SPIN1: variants seen among roughly 807,000 people sequenced by gnomAD.
The protein encoded by SPIN1 is spindlin-1.
SPIN1 carries 3 observed loss-of-function variants against 26.0 expected under a neutral mutation model. That is an observed-to-expected ratio of 0.12 (90% CI 0.05 to 0.30). SPIN1 has a LOEUF of 0.30. Ranked by LOEUF, SPIN1 falls within the 10% of genes least tolerant of loss-of-function variation. The probability of loss-of-function intolerance (pLI) is 1.00; values close to 1 mark genes in which losing one functional copy is unlikely to be tolerated. For missense variants in SPIN1, 126 were observed against 333.4 expected (o/e 0.38, Z 4.84); for synonymous variants, 101 against 116.5 (o/e 0.87, Z 0.86).
intron 1 of SPIN1, among the ~76,000 whole-genome samples, chr9:88,413,389 GT>G (rs151070215): frequency 6.7e-6 from 1 of 149,438 alleles, no homozygotes; most frequent in Non-Finnish European, 1.5e-5. Flanking sequence ...TTTTTGTTCT[GT>G]TTTTTTTATT....
intron 1 of SPIN1, among the ~76,000 whole-genome samples, chr9:88,388,802 C>T (rs1438275732): frequency 6.6e-6 from 1 of 150,502 alleles, no homozygotes; most frequent in African/African-American, 2.4e-5. Context: ...TCCCCGCCGC[C>T]CCCCGCCAAC....
intron 5 of SPIN1, 84 bp from the exon 6 acceptor site, chr9:88,474,994 A>G (rs2118243837): frequency 7.7e-7 from 1 of 1,300,078 alleles, no homozygotes; most frequent in African/African-American, 1.5e-5. Context: ...ATGAAAATAA[A>G]TATGTGAGTT....
intron 2 of SPIN1, among the ~76,000 whole-genome samples, chr9:88,436,631 A>G (rs904906699): frequency 2.0e-5 from 3 of 151,084 alleles, no homozygotes; most frequent in Middle Eastern, 3.2e-3. Context: ...CTGATTTTTT[A>G]TTGTCTCCCT....
intron 5 of SPIN1, among the ~76,000 whole-genome samples, chr9:88,473,518 AT>A (rs1828830999): frequency 6.6e-6 from 1 of 152,284 alleles, no homozygotes; most frequent in East Asian, 1.9e-4. Flanking sequence ...TGACTTGAAC[AT>A]TTTTTTATAG....
chr9:88,438,699 A>G (rs1828057346), intron 2 of SPIN1, among the ~76,000 whole-genome samples: 1 of 152,230 alleles, frequency 6.6e-6, no homozygotes. Flanking sequence ...TAACCATAAT[A>G]TAGGTTGAGC....
rs568433789 is a variant in SPIN1, at chr9:88,426,448, G to C, written c.-92G>C. The C allele has an allele frequency of 2.1e-5, 22 of 1,029,932 alleles. No homozygotes were observed. The highest frequency in any genetic ancestry group is 3.2e-5 in the African/African-American group (2 of 62,438). The allele number at this position is 1,029,932 out of a possible 1,614,324, so 63.8% of individuals were successfully genotyped here. On this transcript the variant is annotated 5_prime_UTR_variant, in exon 2 of 6. Coordinates refer to ENST00000375859, the MANE Select transcript of SPIN1 (RefSeq NM_006717.3). ...AGACACTTGGATGGTGGATTAACCA[G>C]AACACTAACATTCTGTGAAAAGTTT...
intron 1 of SPIN1, among the ~76,000 whole-genome samples, chr9:88,413,015 T>C (rs1349135922): frequency 6.6e-6 from 1 of 151,914 alleles, no homozygotes; most frequent in Non-Finnish European, 1.5e-5. Context: ...AAGACAATAT[T>C]GTTGGTATAT....
chr9:88,395,052 T>C (rs1030075952), intron 1 of SPIN1, among the ~76,000 whole-genome samples: 12 of 151,790 alleles, frequency 7.9e-5, no homozygotes, highest in African/African-American at 2.4e-4. Flanking sequence ...TCGTGATCTG[T>C]CCGCCTCGGC....
intron 1 of SPIN1, among the ~76,000 whole-genome samples, chr9:88,413,238 T>G (rs1453690099): frequency 6.8e-6 from 1 of 146,942 alleles, no homozygotes. Flanking sequence ...GGCTAATTTT[T>G]GTAGAGATGG....
intron 1 of SPIN1, among the ~76,000 whole-genome samples, chr9:88,393,795 T>G (rs935352048): frequency 6.6e-6 from 1 of 152,012 alleles, no homozygotes; most frequent in Non-Finnish European, 1.5e-5. Flanking sequence ...ACTTTTTTCT[T>G]TCTCTCTTTA....
chr9:88,442,104 A>G (rs548499142), intron 2 of SPIN1, among the ~76,000 whole-genome samples: 32 of 150,736 alleles, frequency 2.1e-4, no homozygotes, highest in African/African-American at 7.8e-4. Flanking sequence ...GGCGCTTGCC[A>G]CCGCACCCAG....
intron 1 of SPIN1, among the ~76,000 whole-genome samples, chr9:88,420,970 C>T (rs1221983102): frequency 6.6e-6 from 1 of 152,200 alleles, no homozygotes; most frequent in Non-Finnish European, 1.5e-5. Context: ...TCATTGGATG[C>T]TCATTCTATT....
chr9:88,445,420 G>C (rs1828225770), intron 2 of SPIN1, among the ~76,000 whole-genome samples: 1 of 151,912 alleles, frequency 6.6e-6, no homozygotes, highest in African/African-American at 2.4e-5. Context: ...AGTGGGTAGA[G>C]TGGTTCTTGG....
intron 2 of SPIN1, among the ~76,000 whole-genome samples, chr9:88,431,410 T>C (rs11142296): frequency 0.19 from 29,021 of 149,726 alleles, 3,667 homozygotes; most frequent in African/African-American, 0.37. Context: ...CCTGCCTTAG[T>C]CTCCCTAGTA....
intron 3 of SPIN1, among the ~76,000 whole-genome samples, chr9:88,451,112 T>TA (rs551909200): frequency 0.19 from 28,436 of 148,774 alleles, 3,447 homozygotes; most frequent in African/African-American, 0.35. Flanking sequence ...AAACCAAATA[T>TA]AAAAAAAAAA....
At chr9:88,403,329 T>G (rs1037855159) in intron 1 of SPIN1, among the ~76,000 whole-genome samples, 1 of 152,214 alleles carries the variant, frequency 6.6e-6, no homozygotes, top group African/African-American at 2.4e-5. Context: ...TACTTTGATT[T>G]TGCATTTGTC....
chr9:88,421,768 C>T (rs1171664680), intron 1 of SPIN1, among the ~76,000 whole-genome samples: 1 of 152,000 alleles, frequency 6.6e-6, no homozygotes, highest in Non-Finnish European at 1.5e-5. Context: ...ACAAAGTCCA[C>T]CTTTCTAATT....
chr9:88,407,377 C>T (rs1028810658), intron 1 of SPIN1, among the ~76,000 whole-genome samples: 6 of 151,734 alleles, frequency 4.0e-5, no homozygotes, highest in Admixed American at 3.9e-4. Context: ...ACTGCTGATC[C>T]CTAGTGATCC....
chr9:88,414,002 A>G (rs934774677), intron 1 of SPIN1, among the ~76,000 whole-genome samples: 3 of 151,054 alleles, frequency 2.0e-5, no homozygotes, highest in African/African-American at 7.4e-5. Flanking sequence ...AAAACTCAAG[A>G]AAGTCCAGTA....
Sources: allele counts gnomAD v4.1 joint callset (sites outside exome capture counted in the v4.1 genomes callset), GRCh38; gene constraint gnomAD v4.1.1; transcripts MANE v1.5; gene names NCBI Gene and HGNC (gene_info 2026-07-23, HGNC 2026-07-21).